KIAA1217: variants seen among roughly 807,000 people sequenced by gnomAD.
The protein encoded by KIAA1217 is KIAA1217, also known as sickle tail protein homolog.
In KIAA1217, 88 loss-of-function variants were observed where a neutral mutation model predicts 163.9. The observed-to-expected ratio is 0.54, with a 90% CI of 0.45 to 0.64. The LOEUF (loss-of-function observed/expected upper bound fraction) is 0.64. Ranked by LOEUF, KIAA1217 falls within the 30% of genes least tolerant of loss-of-function variation. The pLI is 0.00. For missense variants in KIAA1217, 2,372 were observed against 2,475.0 expected (o/e 0.96, Z 0.88); for synonymous variants, 903 against 923.1 (o/e 0.98, Z 0.39).
At chr10:23,948,333 T>G (rs1844155422) in intron 1 of KIAA1217, among the ~76,000 whole-genome samples, 1 of 152,202 alleles carries the variant, frequency 6.6e-6, no homozygotes, top group African/African-American at 2.4e-5. Context: ...AAATAGTTTA[T>G]TAAATAAAAC....
chr10:24,123,134 T>G (rs61849240), intron 2 of KIAA1217, among the ~76,000 whole-genome samples: 1 of 148,068 alleles, frequency 6.8e-6, no homozygotes, highest in Admixed American at 6.7e-5. Context: ...TACTGTGTGT[T>G]TGTGTGTGTG....
intron 2 of KIAA1217, among the ~76,000 whole-genome samples, chr10:24,162,794 G>T (rs2065178156): frequency 6.6e-6 from 1 of 152,276 alleles, no homozygotes; most frequent in Middle Eastern, 3.4e-3. Flanking sequence ...GAGGCTAAAA[G>T]ATCTGTTTCC....
At chr10:24,136,771 TTGAC>T (rs748013641) in intron 2 of KIAA1217, among the ~76,000 whole-genome samples, 5 of 152,264 alleles carry the variant, frequency 3.3e-5, no homozygotes, top group Non-Finnish European at 7.3e-5. Context: ...CGAGGAAACA[TTGAC>T]TGAGCATTTA....
At chr10:24,468,830 GTTAA>G in intron 5 of KIAA1217, among the ~76,000 whole-genome samples, 1 of 152,118 alleles carries the variant, frequency 6.6e-6, no homozygotes, top group East Asian at 1.9e-4. Context: ...ATTACTTTTA[GTTAA>G]TTGTTATATT....
At chr10:23,803,517 T>G (rs755151236) in intron 1 of KIAA1217, among the ~76,000 whole-genome samples, 4 of 152,234 alleles carry the variant, frequency 2.6e-5, no homozygotes, top group Non-Finnish European at 4.4e-5. Flanking sequence ...CTTTTGAAAC[T>G]AAATCACAGT....
intron 2 of KIAA1217, among the ~76,000 whole-genome samples, chr10:24,332,487 G>T (rs1039609684): frequency 1.3e-5 from 2 of 152,044 alleles, no homozygotes; most frequent in Admixed American, 1.3e-4. Flanking sequence ...ATTTGGAAAT[G>T]GCTTGTAAGC....
At position 24,533,409 on chromosome 10, in the gene KIAA1217, C is replaced by T. The variant is rs574583797; in HGVS notation, c.3414+172C>T. On this transcript the variant is annotated intron_variant, in intron 16 of 20. Transcript: ENST00000376454. ...TTTCCCAAGATGGCGCTGAACAAGG[C>T]TCTCAGGATGCCTATAAGATGTGCA... 4.6e-5 allele frequency among the ~76,000 whole-genome samples: 7 copies of T among 152,234 alleles called. No homozygotes were observed. The South Asian group carries it at 1.5e-3, about 32-fold the overall frequency.
chr10:24,182,656 T>C (rs2066236646), intron 2 of KIAA1217, among the ~76,000 whole-genome samples: 1 of 152,136 alleles, frequency 6.6e-6, no homozygotes, highest in Non-Finnish European at 1.5e-5. Flanking sequence ...AAACACAATT[T>C]GTATTTTGCT....
At chr10:24,257,517 C>A (rs371520976) in intron 2 of KIAA1217, among the ~76,000 whole-genome samples, 2 of 152,086 alleles carry the variant, frequency 1.3e-5, no homozygotes, top group East Asian at 3.9e-4. Flanking sequence ...ATCCCAGGAC[C>A]CTTTTTTAGT....
chr10:23,876,546 T>C (rs116720514), intron 1 of KIAA1217, among the ~76,000 whole-genome samples: 2,380 of 151,514 alleles, frequency 0.016, 67 homozygotes, highest in African/African-American at 0.054. Context: ...TATGGTACCG[T>C]AGTGGATATA....
chr10:23,734,430 G>A (rs909515578), intron 1 of KIAA1217, among the ~76,000 whole-genome samples: 8 of 151,828 alleles, frequency 5.3e-5, no homozygotes, highest in African/African-American at 1.4e-4. Context: ...GGTATTACAG[G>A]TGCATGCCAC....
intron 2 of KIAA1217, among the ~76,000 whole-genome samples, chr10:24,203,429 T>C (rs1264797263): frequency 2.0e-5 from 3 of 152,074 alleles, no homozygotes; most frequent in African/African-American, 7.2e-5. Flanking sequence ...CGTTCGAGAA[T>C]GCTCCAGGAG....
chr10:24,338,506 A>G (rs566151067), intron 2 of KIAA1217, among the ~76,000 whole-genome samples: 2 of 152,324 alleles, frequency 1.3e-5, no homozygotes, highest in East Asian at 3.9e-4. Flanking sequence ...AAAGCACCTC[A>G]TGAAATTATT....
intron 16 of KIAA1217, among the ~76,000 whole-genome samples, chr10:24,535,856 A>AC (rs2073932396): frequency 6.6e-6 from 1 of 151,908 alleles, no homozygotes; most frequent in Admixed American, 6.6e-5. Flanking sequence ...GGGAGTTAAA[A>AC]AAAAATCCTA....
rs553434325 is a variant in KIAA1217 at position 23,867,769 on chromosome 10, T to C, written c.-320-139456T>C. On this transcript the variant is annotated intron_variant, in intron 1 of 18. Coordinates refer to the KIAA1217 transcript ENST00000376462. ...GGATATTAGCCCTTTGTCAGATGAGTAGGTTGTGAAAATTTTCTCCCATTC... is the reference window on the plus strand; with the variant it reads ...GGATATTAGCCCTTTGTCAGATGAGCAGGTTGTGAAAATTTTCTCCCATTC... Among the ~76,000 whole-genome samples the C allele has an allele frequency of 5.7e-3, 868 of 152,206 alleles. 3 individuals carry two copies. Among genetic ancestry groups the C allele is most frequent in the Non-Finnish European group, 9.1e-3 (622 of 68,004 alleles).
At chr10:24,303,920 A>G (rs997330842) in intron 2 of KIAA1217, among the ~76,000 whole-genome samples, 1 of 152,214 alleles carries the variant, frequency 6.6e-6, no homozygotes, top group Non-Finnish European at 1.5e-5. Flanking sequence ...AGAAAAAAAG[A>G]CCATTGGAAA....
At chr10:24,354,549 A>C (rs2048840682) in intron 2 of KIAA1217, among the ~76,000 whole-genome samples, 1 of 152,230 alleles carries the variant, frequency 6.6e-6, no homozygotes, top group South Asian at 2.1e-4. Flanking sequence ...TCCAGGAAGA[A>C]TCAGGTCACA....
At position 24,313,466 on chromosome 10, in the gene KIAA1217, A is replaced by C. The variant is rs553526608; in HGVS notation, c.355-67403A>C. ...GAGCACGGGACCCATCAACAGTCCA[A>C]TTAAGAGCAAAGGGATGTGACTGCG... On this transcript the variant is annotated intron_variant, in intron 2 of 20. Coordinates refer to ENST00000376454, the MANE Select transcript of KIAA1217 (RefSeq NM_019590.5). Among the ~76,000 whole-genome samples, 7 of 152,328 alleles carry C rather than the reference A, an allele frequency of 4.6e-5. No homozygotes were observed. In the East Asian group the frequency reaches 1.2e-3, roughly 25 times the overall value.
intron 6 of KIAA1217, among the ~76,000 whole-genome samples, chr10:24,484,224 C>CATATATATATATATAT (rs1170144059): frequency 1.5e-3 from 133 of 90,438 alleles, no homozygotes; most frequent in East Asian, 6.3e-3. Flanking sequence ...GATAGATATA[C>CATATATATATATATAT]ATATATATAT....
Sources: gnomAD v4.1 joint callset for allele counts (sites outside exome capture counted in the v4.1 genomes callset) on GRCh38, gnomAD v4.1.1 for gene constraint, MANE v1.5 for transcripts, NCBI Gene and HGNC (gene_info 2026-07-23, HGNC 2026-07-21) for gene names.